The following KCNIP3 variants were observed in gnomAD, a reference collection of about 807,000 sequenced individuals.
KCNIP3 encodes the protein calsenilin.
A neutral mutation model predicts 35.0 loss-of-function variants in KCNIP3; 28 were observed. The ratio of observed to expected loss-of-function variants is 0.80; its 90% CI spans 0.59 to 1.10. KCNIP3 has a LOEUF of 1.10. Ranked by LOEUF, KCNIP3 falls within the 50% of genes least tolerant of loss-of-function variation. KCNIP3 has a pLI of 0.00. For synonymous variants in KCNIP3, 134 were observed against 133.8 expected (o/e 1.00, Z -0.01); for missense variants, 295 against 338.4 (o/e 0.87, Z 1.01).
rs4993425 is a variant in KCNIP3 at position 95,378,885 on chromosome 2, T to G, written c.448-2711T>G. Among the ~76,000 whole-genome samples the G allele has an allele frequency of 1.3e-5, 2 of 150,502 alleles. No individual in the cohort carries two copies. Among genetic ancestry groups the G allele is most frequent in the African/African-American group, 4.9e-5 (2 of 40,670 alleles). The stretch of plus-strand genomic sequence containing the variant: ...ATATATACACACACACACATATATA[T>G]ACACACACACACATATATATATATA... On this transcript the variant is annotated intron_variant, in intron 5 of 8. Coordinates refer to ENST00000295225, the MANE Select transcript of KCNIP3 (RefSeq NM_013434.5). This position sits in a 1 kb window ranked among gnomAD's most constrained non-coding sequence, Gnocchi z 4.0.
At chr2:95,345,645 G>T (rs1679332490) in intron 2 of KCNIP3, among the ~76,000 whole-genome samples, 1 of 152,246 alleles carries the variant, frequency 6.6e-6, no homozygotes, top group Non-Finnish European at 1.5e-5. Context: ...GGTGCGGGCC[G>T]TAGCCGCGCT....
At chr2:95,359,843 C>A (rs911389260) in intron 2 of KCNIP3, among the ~76,000 whole-genome samples, 17 of 152,216 alleles carry the variant, frequency 1.1e-4, no homozygotes, top group African/African-American at 4.1e-4. Flanking sequence ...ACAGCTGGGG[C>A]AGCCAAGGAG....
At position 95,350,069 on chromosome 2, in the gene KCNIP3, C is replaced by T. The variant is rs138984085; in HGVS notation, c.182-24227C>T. Among the ~76,000 whole-genome samples, 335 of 152,276 alleles carry T rather than the reference C, an allele frequency of 2.2e-3. 2 individuals are homozygous for T. The highest frequency in any genetic ancestry group is 7.7e-3 in the African/African-American group (320 of 41,554). ...TGCTTCTTCCTGGAGTGCTGAAATA[C>T]GGTTCTCAAGGGGATCTGCGTTCCC... On this transcript the variant is annotated intron_variant, in intron 2 of 8. Transcript: ENST00000295225.
intron 2 of KCNIP3, among the ~76,000 whole-genome samples, chr2:95,319,277 G>C (rs1678532686): frequency 6.6e-6 from 1 of 152,204 alleles, no homozygotes; most frequent in Admixed American, 6.5e-5. Context: ...TGGCAAGTTT[G>C]GTGGCTCTGA....
At chr2:95,369,342 T>C (rs1679987881) in intron 2 of KCNIP3, among the ~76,000 whole-genome samples, 1 of 152,220 alleles carries the variant, frequency 6.6e-6, no homozygotes, top group African/African-American at 2.4e-5. Flanking sequence ...TTTTTATTCA[T>C]CAAAGGATTC....
chr2:95,356,894 A>C (rs1367054649), intron 2 of KCNIP3, among the ~76,000 whole-genome samples: 6 of 152,206 alleles, frequency 3.9e-5, no homozygotes, highest in African/African-American at 1.4e-4. Flanking sequence ...CCTAGGAGTT[A>C]GTGGGAAGGG....
At chr2:95,331,390 G>A (rs573523115) in intron 2 of KCNIP3, among the ~76,000 whole-genome samples, 2 of 152,258 alleles carry the variant, frequency 1.3e-5, no homozygotes, top group African/African-American at 2.4e-5. Context: ...GGGGCTTGGT[G>A]GTAGCATTTC....
At chr2:95,328,543 C>T (rs1678847890) in intron 2 of KCNIP3, among the ~76,000 whole-genome samples, 1 of 152,228 alleles carries the variant, frequency 6.6e-6, no homozygotes, top group Non-Finnish European at 1.5e-5. Flanking sequence ...GACGCCGCTG[C>T]GTGCCTGCTT....
At chr2:95,304,889 A>T (rs1428402590) in intron 1 of KCNIP3, among the ~76,000 whole-genome samples, 5 of 152,094 alleles carry the variant, frequency 3.3e-5, no homozygotes. Context: ...GGAGCTACAG[A>T]TCTCGGCCAC....
In KCNIP3 at chr2:95,322,836, C is replaced by G. The variant is rs1309487073; in HGVS notation, c.181+12316C>G. 3.9e-5 allele frequency among the ~76,000 whole-genome samples: 6 copies of G among 152,364 alleles called. No homozygotes were observed. In the East Asian group the frequency reaches 1.2e-3, roughly 29 times the overall value. On this transcript the variant is annotated intron_variant, in intron 2 of 8. Transcript: ENST00000295225. Reference sequence around the variant, plus strand: ...AACACCACCCAACCCCAGCCCTTGGCAGCTCTCCCTGGCGCTTCTGAGTAC... The same window carrying G: ...AACACCACCCAACCCCAGCCCTTGGGAGCTCTCCCTGGCGCTTCTGAGTAC...
At chr2:95,330,528 A>G (rs1431404407) in intron 2 of KCNIP3, among the ~76,000 whole-genome samples, 1 of 152,186 alleles carries the variant, frequency 6.6e-6, no homozygotes, top group Non-Finnish European at 1.5e-5. Context: ...ATTGGTGCTA[A>G]GGGAGACTCA....
At chr2:95,322,026 A>G (rs1678609303) in intron 2 of KCNIP3, among the ~76,000 whole-genome samples, 2 of 152,108 alleles carry the variant, frequency 1.3e-5, no homozygotes, top group African/African-American at 4.8e-5. Flanking sequence ...AATTGCTTCT[A>G]ACCTCTCTGA....
At chr2:95,320,823 G>A (rs1164419145) in intron 2 of KCNIP3, among the ~76,000 whole-genome samples, 1 of 151,920 alleles carries the variant, frequency 6.6e-6, no homozygotes, top group Non-Finnish European at 1.5e-5. Context: ...AGCTCCCCAG[G>A]GTGGGAGAAG....
chr2:95,383,133 C>T, intron 7 of KCNIP3, 99 bp from the exon 8 acceptor site: 1 of 698,768 alleles, frequency 1.4e-6, no homozygotes, highest in East Asian at 3.2e-5. Context: ...ATCCACCCAC[C>T]CGCCCATCCA....
rs1369072486 is a variant in KCNIP3 at position 95,382,221 on chromosome 2, T to G, written c.556-156T>G. Among the ~76,000 whole-genome samples, 1 of 152,166 alleles carries G rather than the reference T, an allele frequency of 6.6e-6. No individual in the cohort carries two copies. Among genetic ancestry groups the G allele is most frequent in the African/African-American group, 2.4e-5 (1 of 41,444 alleles). On this transcript the variant is annotated intron_variant, in intron 6 of 8. Transcript: ENST00000295225. This position sits in a 1 kb window ranked among gnomAD's most constrained non-coding sequence, Gnocchi z 4.5. ...CCTAGAGTCAGAAGCTCGCTCTGGG[T>G]GCCCTGGAAGCGGACAGGCTTCTCT...
intron 2 of KCNIP3, among the ~76,000 whole-genome samples, chr2:95,322,592 C>G (rs1001855953): frequency 6.6e-6 from 1 of 152,172 alleles, no homozygotes; most frequent in African/African-American, 2.4e-5. Flanking sequence ...TGCCCCTGGC[C>G]ACAAGGGCAG....
intron 2 of KCNIP3, among the ~76,000 whole-genome samples, chr2:95,328,821 A>T (rs2104241839): frequency 6.6e-6 from 1 of 152,282 alleles, no homozygotes; most frequent in Admixed American, 6.5e-5. Flanking sequence ...GGAGGAAGAA[A>T]CACAGGTCAG....
intron 2 of KCNIP3, among the ~76,000 whole-genome samples, chr2:95,358,135 T>G (rs1288962990): frequency 6.6e-6 from 1 of 152,172 alleles, no homozygotes; most frequent in Non-Finnish European, 1.5e-5. Flanking sequence ...GAGAGGTTTT[T>G]AGAGAATCTT....
chr2:95,370,548 T>C (rs1680018448), intron 2 of KCNIP3, among the ~76,000 whole-genome samples: 1 of 152,250 alleles, frequency 6.6e-6, no homozygotes, highest in Non-Finnish European at 1.5e-5. Context: ...ATTGGCCAGT[T>C]GTATATCTTT....
Sources: allele counts gnomAD v4.1 joint callset (sites outside exome capture counted in the v4.1 genomes callset), GRCh38; gene constraint gnomAD v4.1.1; non-coding constraint Gnocchi (gnomAD v3.1); transcripts MANE v1.5; gene names NCBI Gene and HGNC (gene_info 2026-07-23, HGNC 2026-07-21).